The following SCUBE3 variants were observed in gnomAD, a reference collection of about 807,000 sequenced individuals.
The protein encoded by SCUBE3 is signal peptide, CUB and EGF-like domain-containing protein 3.
SCUBE3 carries 33 observed loss-of-function variants against 116.8 expected under a neutral mutation model. The observed-to-expected ratio is 0.28, with a 90% CI of 0.21 to 0.38. The LOEUF (loss-of-function observed/expected upper bound fraction) is 0.38. SCUBE3 is among the 10% of genes least tolerant of loss of function. The probability of loss-of-function intolerance (pLI) is 1.00; values close to 1 mark genes in which losing one functional copy is unlikely to be tolerated. For missense variants in SCUBE3, 1,007 were observed against 1,324.8 expected (o/e 0.76, Z 3.72); for synonymous variants, 418 against 496.9 (o/e 0.84, Z 2.11).
rs1784502442 is a variant in SCUBE3 at position 35,250,195 on chromosome 6, CTA to C, written c.*1492_*1493del. 1 of 152,248 alleles carries C rather than the reference CTA, an allele frequency of 6.6e-6. No individual in the cohort carries two copies. The allele number at this position is 152,248 out of a possible 1,614,324, so 9.4% of individuals were successfully genotyped here. A position where few individuals can be genotyped will look rare whatever the true frequency, so the allele number is the denominator to read the frequency against. ...TTGATGGAGCAGAAAGGAGAGAGACCTATGTTTGCTAAACCAATCTTGCTATC... is the reference window on the plus strand; with the variant it reads ...TTGATGGAGCAGAAAGGAGAGAGACCTGTTTGCTAAACCAATCTTGCTATC... On this transcript the variant is annotated 3_prime_UTR_variant, in exon 22 of 22. Coordinates refer to ENST00000274938, the MANE Select transcript of SCUBE3 (RefSeq NM_152753.4).
chr6:35,248,545 A>G lies in SCUBE3; in HGVS notation c.2833-11A>G. 1 of 1,613,896 alleles carries G rather than the reference A, an allele frequency of 6.2e-7. No individual in the cohort carries two copies. The highest frequency in any genetic ancestry group is 1.6e-4 in the Middle Eastern group (1 of 6,062). On this transcript the variant is annotated splice_polypyrimidine_tract_variant and intron_variant, in intron 21 of 21. Coordinates refer to ENST00000274938, the MANE Select transcript of SCUBE3 (RefSeq NM_152753.4). ...GGTGAGGCTGACATTGCTCCCTGCC[A>G]TCCTTTGCAGGACAAGAAGCTCATC...
rs765546710 is a variant in SCUBE3, at chr6:35,238,039, G to C, written c.829+21G>C. ...CAAAGGTAAGGACTTTGAGAGGACA[G>C]AAGCAGAGTGACCTTTGGTAAGGGG... On this transcript the variant is annotated intron_variant, in intron 7 of 21. Coordinates refer to ENST00000274938, the MANE Select transcript of SCUBE3 (RefSeq NM_152753.4). 34 of 1,421,524 alleles carry C rather than the reference G, an allele frequency of 2.4e-5. 1 individual carries two copies. The Middle Eastern group carries it at 7.0e-4, about 29-fold the overall frequency. 88.1% of individuals were successfully genotyped at this position (1,421,524 alleles called of 1,614,324 possible). A position where few individuals can be genotyped will look rare whatever the true frequency, so the allele number is the denominator to read the frequency against.
chr6:35,246,223 G>C lies in SCUBE3; in HGVS notation c.2770G>C (p.Val924Leu). 1 of 1,614,154 alleles carries C rather than the reference G, an allele frequency of 6.2e-7. No individual in the cohort carries two copies. The highest frequency in any genetic ancestry group is 2.2e-5 in the East Asian group (1 of 44,890). Residue 924 changes from valine to leucine, a missense_variant, in exon 21 of 22, where the codon GTA becomes CTA. Around this residue, in one of 5 missense-constraint regions of SCUBE3, gnomAD observed 118 missense variants for 196.6 expected, o/e 0.60. Transcript: ENST00000274938. ...CTTTGCAGAGGACTATGAGCAGCTG[G>C]TAGAAGACATTGTGCGAGATGGCCG... The part of the protein sequence containing the change: ...VTYDEDYEQL[V>L]EDIVRDGRLY...
rs1369420076 is a variant in SCUBE3, at chr6:35,242,633, T to G, written c.1546T>G (p.Cys516Gly). ...GRITGPGGAP[C>G]SECQVTFIHL... ...GCCCTCTCTCCCAGGTGGTGCCCCC[T>G]GCTCTGAATGCCAGGTCACCTTCAT... is the stretch of plus-strand genomic sequence containing the variant. The change falls in exon 14 of 22, where the codon TGC becomes GGC. Residue 516 changes from cysteine (C) to glycine (G), a missense_variant. Around this residue, in one of 5 missense-constraint regions of SCUBE3, gnomAD observed 544 missense variants for 638.9 expected, o/e 0.85. Coordinates refer to ENST00000274938, the MANE Select transcript of SCUBE3 (RefSeq NM_152753.4). 2 of 1,611,734 alleles carry G rather than the reference T, an allele frequency of 1.2e-6. No individual in the cohort carries two copies. Among genetic ancestry groups the G allele is most frequent in the Non-Finnish European group, 1.7e-6 (2 of 1,178,030 alleles).
intron 21 of SCUBE3, 43 bp from the exon 22 acceptor site, chr6:35,248,513 C>G: frequency 6.2e-7 from 1 of 1,604,700 alleles, no homozygotes; most frequent in Non-Finnish European, 8.5e-7. Context: ...TCTTTCCCAC[C>G]CCCGACGGTG....
Position 35,227,448 on chromosome 6 carries a change from G to GCACC in SCUBE3, c.86-131_86-128dup, listed in dbSNP as rs1783373488. Reference sequence around the variant, plus strand: ...TCTGAAATCAGAGAGATGTGAGACAGCACCTGTTTCTGGAGGGGGTCACTG... The same window carrying GCACC: ...TCTGAAATCAGAGAGATGTGAGACAGCACCCACCTGTTTCTGGAGGGGGTCACTG... On this transcript the variant is annotated intron_variant, in intron 1 of 21. Transcript: ENST00000274938. The GCACC allele has an allele frequency of 1.8e-5, 16 of 888,540 alleles. No individual in the cohort carries two copies. In the South Asian group the frequency reaches 2.4e-4, roughly 13 times the overall value. The allele number at this position is 888,540 out of a possible 1,614,324, so 55.0% of individuals were successfully genotyped here.
At chr6:35,217,227 GGGGGGGGGGCGGGGGGGAGGCGCGGC>G (rs1782940351) in intron 1 of SCUBE3, among the ~76,000 whole-genome samples, 3 of 15,998 alleles carry the variant, frequency 1.9e-4, no homozygotes, top group African/African-American at 3.6e-4. Flanking sequence ...TTTGGCGGGG[GGGGGGGGGGCGGGGGGGAGGCGCGGC>G]GGGGGGGGGG....
chr6:35,220,457 C>A (rs2150284088), intron 1 of SCUBE3: 1 of 152,370 alleles, frequency 6.6e-6, no homozygotes, highest in Admixed American at 6.5e-5. Context: ...CCACTGCCTG[C>A]CTCTCTGCCC....
At position 35,228,792 on chromosome 6, in the gene SCUBE3, C is replaced by CT. The variant is rs1783421658; in HGVS notation, c.334+57dup. 2 of 1,574,564 alleles carry CT rather than the reference C, an allele frequency of 1.3e-6. No homozygotes were observed. Among genetic ancestry groups the CT allele is most frequent in the Non-Finnish European group, 8.7e-7 (1 of 1,144,912 alleles). On this transcript the variant is annotated intron_variant, in intron 3 of 21. Transcript: ENST00000274938. The surrounding 1 kb of genome is among the most constrained non-coding windows in gnomAD (Gnocchi z 4.9). Reference sequence around the variant, plus strand: ...AGGGATGTCTTGTGGAGAAAGAGATCTTTTCAGCATTTCCTATTTCCCAGG... The same window carrying CT: ...AGGGATGTCTTGTGGAGAAAGAGATCTTTTTCAGCATTTCCTATTTCCCAGG...
At chr6:35,223,474 C>T (rs377325438) in intron 1 of SCUBE3, 5 of 152,206 alleles carry the variant, frequency 3.3e-5, no homozygotes, top group African/African-American at 1.2e-4. Flanking sequence ...GGTCTCTTCC[C>T]AGCTTGGGCA....
chr6:35,248,668 G>A lies in SCUBE3; in HGVS notation c.2945G>A (p.Arg982His). 6 of 1,613,928 alleles carry A rather than the reference G, an allele frequency of 3.7e-6. No homozygotes were observed. In the South Asian group the frequency reaches 4.4e-5, roughly 12 times the overall value. ...MLPKSFIKLL[R>H]SKVSSFLRPY... ...CCAAAATCCTTCATCAAGCTGCTCC[G>A]CTCCAAAGTTTCCAGCTTCCTGAGG... Residue 982 changes from arginine to histidine, a missense_variant, in exon 22 of 22, where the codon CGC becomes CAC. Arg to His is a conservative substitution (Grantham distance 29). Coordinates refer to ENST00000274938, the MANE Select transcript of SCUBE3 (RefSeq NM_152753.4).
Position 35,241,413 on chromosome 6 carries a change from T to C in SCUBE3, c.1196-130T>C. The C allele has an allele frequency of 8.7e-7, 1 of 1,153,020 alleles. No individual in the cohort carries two copies. The highest frequency in any genetic ancestry group is 1.4e-5 in the South Asian group (1 of 73,364). The allele number at this position is 1,153,020 out of a possible 1,614,324, so 71.4% of individuals were successfully genotyped here. ...CCATTTTGAGTTAAAGACATGAAAT[T>C]TGTAGTAAACAATCCCATCATCAGT... On this transcript the variant is annotated intron_variant, in intron 10 of 21. Coordinates refer to ENST00000274938, the MANE Select transcript of SCUBE3 (RefSeq NM_152753.4). This position sits in a 1 kb window ranked among gnomAD's most constrained non-coding sequence, Gnocchi z 4.1.
At chr6:35,242,845 G>A (rs1002546756) in intron 14 of SCUBE3, 65 bp downstream of exon 14, 7 of 1,584,264 alleles carry the variant, frequency 4.4e-6, no homozygotes, top group Middle Eastern at 1.7e-4. Flanking sequence ...GAAACCACAG[G>A]TCTCAGCAGC....
intron 1 of SCUBE3, chr6:35,221,163 A>C (rs1322213156): frequency 6.6e-6 from 1 of 152,194 alleles, no homozygotes; most frequent in Non-Finnish European, 1.5e-5. Context: ...GTGCCCCATC[A>C]TTGAGAGTTA....
intron 14 of SCUBE3, 78 bp downstream of exon 14, chr6:35,242,858 A>G: frequency 6.4e-7 from 1 of 1,567,680 alleles, no homozygotes; most frequent in Non-Finnish European, 8.7e-7. Context: ...TCAGCAGCAA[A>G]AGGAAGGGAT....
chr6:35,214,315 G>C lies in SCUBE3; in HGVS notation c.-104G>C. The C allele has an allele frequency of 1.7e-6, 1 of 605,692 alleles. No homozygotes were observed. Among genetic ancestry groups the C allele is most frequent in the Non-Finnish European group, 2.4e-6 (1 of 416,544 alleles). 37.5% of individuals were successfully genotyped at this position (605,692 alleles called of 1,614,324 possible). ...CAGCCCCCGGCCTGGCCCCGGCGGG[G>C]CGCCCCCTCCCCTCCCCCTCCTGCG... is the stretch of plus-strand genomic sequence containing the variant. On this transcript the variant is annotated 5_prime_UTR_variant, in exon 1 of 22. Transcript: ENST00000274938. The surrounding 1 kb of genome is among the most constrained non-coding windows in gnomAD (Gnocchi z 6.3).
rs1440112623 is a variant in SCUBE3, at chr6:35,219,505, A to C, written c.85+5002A>C. Among the ~76,000 whole-genome samples the C allele has an allele frequency of 3.9e-5, 6 of 152,132 alleles. No individual in the cohort carries two copies. The highest frequency in any genetic ancestry group is 2.6e-4 in the Admixed American group (4 of 15,280). On this transcript the variant is annotated intron_variant, in intron 1 of 21. Coordinates refer to ENST00000274938, the MANE Select transcript of SCUBE3 (RefSeq NM_152753.4). This position sits in a 1 kb window ranked among gnomAD's most constrained non-coding sequence, Gnocchi z 4.7. ...TACCTCTGGTTTTCCCTGTGGTTAT[A>C]ACCATAGCCCTAGAGAGCTGTGGGG...
chr6:35,237,705 G>C (rs1783836071), intron 6 of SCUBE3, among the ~76,000 whole-genome samples, 197 bp from the exon 7 acceptor site: 1 of 152,170 alleles, frequency 6.6e-6, no homozygotes, highest in African/African-American at 2.4e-5. Flanking sequence ...CTGCTTGGCT[G>C]TACTTGTGAG....
Position 35,238,147 on chromosome 6 carries a change from C to G in SCUBE3, c.829+129C>G. On this transcript the variant is annotated intron_variant, in intron 7 of 21. Coordinates refer to ENST00000274938, the MANE Select transcript of SCUBE3 (RefSeq NM_152753.4). Reference sequence around the variant, plus strand: ...TTCTTATGAAGAACCCAGGACATAGCTAAGGGTTGTCTCCTATCTGCCTGT... The same window carrying G: ...TTCTTATGAAGAACCCAGGACATAGGTAAGGGTTGTCTCCTATCTGCCTGT... The G allele has an allele frequency of 5.3e-6, 3 of 568,636 alleles. No homozygotes were observed. In the South Asian group the frequency reaches 7.5e-5, roughly 14 times the overall value. The allele number at this position is 568,636 out of a possible 1,614,324, so 35.2% of individuals were successfully genotyped here.
Sources: gnomAD v4.1 joint callset for allele counts (sites outside exome capture counted in the v4.1 genomes callset) on GRCh38, gnomAD v4.1.1 for gene constraint, gnomAD v4.1.1 regional missense constraint, Gnocchi (gnomAD v3.1) non-coding constraint, MANE v1.5 for transcripts, NCBI Gene and HGNC (gene_info 2026-07-23, HGNC 2026-07-21) for gene names.